The following ITGBL1 variants were observed in gnomAD, a reference collection of about 807,000 sequenced individuals.
ITGBL1 encodes integrin subunit beta like 1.
A neutral mutation model predicts 68.5 loss-of-function variants in ITGBL1; 51 were observed. The ratio of observed to expected loss-of-function variants is 0.74; its 90% CI spans 0.59 to 0.94. The LOEUF (loss-of-function observed/expected upper bound fraction) is 0.94. Ranked by LOEUF, ITGBL1 falls within the 40% of genes least tolerant of loss-of-function variation. The probability of loss-of-function intolerance (pLI) is 0.00; values close to 1 mark genes in which losing one functional copy is unlikely to be tolerated. For missense variants in ITGBL1, 649 were observed against 647.4 expected, an observed-to-expected ratio of 1.00 and a Z score of -0.03; for synonymous variants, 209 against 227.3, an observed-to-expected ratio of 0.92 and a Z score of 0.72.
chr13:101,475,715 A>G (rs1340926323), intron 2 of ITGBL1, among the ~76,000 whole-genome samples: 1 of 151,466 alleles, frequency 6.6e-6, no homozygotes, highest in African/African-American at 2.4e-5. Flanking sequence ...AGGAACTCCA[A>G]TACATTGGAG....
At chr13:101,645,173 G>T (rs1416368151) in intron 7 of ITGBL1, among the ~76,000 whole-genome samples, 1 of 152,120 alleles carries the variant, frequency 6.6e-6, no homozygotes, top group Non-Finnish European at 1.5e-5. Context: ...AGAGACCAAG[G>T]CTTGCTTTGG....
intron 7 of ITGBL1, among the ~76,000 whole-genome samples, chr13:101,647,022 T>C (rs937381877): frequency 2.0e-5 from 3 of 152,152 alleles, no homozygotes; most frequent in Non-Finnish European, 2.9e-5. Context: ...AATTATGTAT[T>C]ACTCTTGTTT....
chr13:101,681,736 C>A (rs1414191342), intron 7 of ITGBL1, among the ~76,000 whole-genome samples: 2 of 151,832 alleles, frequency 1.3e-5, no homozygotes, highest in Admixed American at 6.6e-5. Flanking sequence ...AAAGAGGAAT[C>A]CAAGAAGAAA....
chr13:101,715,012 T>C (rs1246721726), intron 10 of ITGBL1: 4 of 167,708 alleles, frequency 2.4e-5, no homozygotes, highest in Non-Finnish European at 5.1e-5. Flanking sequence ...TCATAGCCAC[T>C]GCTATCCTAA....
intron 2 of ITGBL1, among the ~76,000 whole-genome samples, chr13:101,546,085 TA>T (rs2049818403): frequency 6.6e-6 from 1 of 152,198 alleles, no homozygotes; most frequent in Admixed American, 6.5e-5. Context: ...AATGTTATGA[TA>T]AAAAATAATA....
chr13:101,554,565 C>T (rs746721114), intron 2 of ITGBL1, among the ~76,000 whole-genome samples: 1 of 152,196 alleles, frequency 6.6e-6, no homozygotes, highest in Non-Finnish European at 1.5e-5. Context: ...TCTCATGAGC[C>T]ATGCTGCGTC....
chr13:101,511,061 A>G (rs988595194), intron 2 of ITGBL1, among the ~76,000 whole-genome samples: 1 of 151,946 alleles, frequency 6.6e-6, no homozygotes, highest in African/African-American at 2.4e-5. Context: ...AGTTGGCCAT[A>G]AATCCTTTAC....
In ITGBL1 at chr13:101,585,483, T is replaced by G. The variant is rs564256851; in HGVS notation, c.868+2127T>G. ...TCTCCCTCTGTTGCCCAGGCTGGAG[T>G]GCAGTGGCATGATCTCAGCTCACTG... On this transcript the variant is annotated intron_variant, in intron 6 of 10. Coordinates refer to ENST00000376180, the MANE Select transcript of ITGBL1 (RefSeq NM_004791.3). 1.2e-4 allele frequency among the ~76,000 whole-genome samples: 19 copies of G among 152,228 alleles called. 1 individual carries two copies. Among genetic ancestry groups the G allele is most frequent in the African/African-American group, 4.6e-4 (19 of 41,536 alleles).
In ITGBL1 at chr13:101,550,141, A is replaced by G. The variant is rs944779307; in HGVS notation, c.317-17558A>G. Among the ~76,000 whole-genome samples the G allele has an allele frequency of 4.6e-5, 7 of 152,170 alleles. No homozygotes were observed. The East Asian group carries it at 1.2e-3, about 25-fold the overall frequency. On this transcript the variant is annotated intron_variant, in intron 2 of 10. Coordinates refer to ENST00000376180, the MANE Select transcript of ITGBL1 (RefSeq NM_004791.3). ...ATAGATATGTTTAGATATTGGGAGA[A>G]AATTCTCCATGGGCCTCTTGTGTTT...
chr13:101,648,393 G>A (rs550662522), intron 7 of ITGBL1, among the ~76,000 whole-genome samples: 62 of 152,264 alleles, frequency 4.1e-4, no homozygotes, highest in African/African-American at 1.4e-3. Flanking sequence ...CAAGTAGTGC[G>A]TTTAACACAG....
chr13:101,507,018 A>G (rs573961028), intron 2 of ITGBL1, among the ~76,000 whole-genome samples: 51 of 152,314 alleles, frequency 3.3e-4, no homozygotes, highest in African/African-American at 1.1e-3. Flanking sequence ...AGGAAGAAGA[A>G]ATAAGAAAAA....
chr13:101,688,612 A>C (rs1371267670), intron 7 of ITGBL1, among the ~76,000 whole-genome samples: 1 of 152,234 alleles, frequency 6.6e-6, no homozygotes, highest in Admixed American at 6.5e-5. Flanking sequence ...GAATTACACA[A>C]TCATATGTAT....
intron 7 of ITGBL1, 104 bp downstream of exon 7, chr13:101,598,403 C>T: frequency 2.1e-6 from 2 of 974,858 alleles, no homozygotes; most frequent in Non-Finnish European, 2.7e-6. Flanking sequence ...TTGTTTTCTG[C>T]TTTTTGGTTT....
At chr13:101,525,771 A>T (rs1437525961) in intron 2 of ITGBL1, among the ~76,000 whole-genome samples, 1 of 152,074 alleles carries the variant, frequency 6.6e-6, no homozygotes, top group East Asian at 1.9e-4. Flanking sequence ...GTAACATTAG[A>T]GTATTACAGT....
At chr13:101,551,706 A>C (rs2139213443) in intron 2 of ITGBL1, among the ~76,000 whole-genome samples, 1 of 152,274 alleles carries the variant, frequency 6.6e-6, no homozygotes, top group South Asian at 2.1e-4. Context: ...TTGCAAGTCA[A>C]AGTGATTTTT....
intron 2 of ITGBL1, among the ~76,000 whole-genome samples, chr13:101,504,203 ATTT>A (rs2048989288): frequency 1.3e-5 from 2 of 152,156 alleles, no homozygotes; most frequent in Non-Finnish European, 2.9e-5. Flanking sequence ...ACATACACTT[ATTT>A]TTTAAAAAGT....
In ITGBL1 at chr13:101,583,218, A is replaced by G. The variant is rs1322210909; in HGVS notation, c.730A>G (p.Thr244Ala). Residue 244 changes from threonine (T) to alanine (A), a missense_variant and splice_region_variant, in exon 6 of 11, where the codon ACT becomes GCT. Physicochemically the swap from Thr to Ala is moderately conservative, Grantham distance 58. Coordinates refer to ENST00000376180, the MANE Select transcript of ITGBL1 (RefSeq NM_004791.3). The stretch of plus-strand genomic sequence containing the variant: ...ATAAAATTCTTCTTCCCACCTAGGG[A>G]CTTGTGTATGTGGTGAATGTACCTG... Reference protein sequence around the residue: ...PDGKICSNRGTCVCGECTCHD... With the variant: ...PDGKICSNRGACVCGECTCHD... The G allele has an allele frequency of 1.2e-6, 2 of 1,613,366 alleles. No individual in the cohort carries two copies. The highest frequency in any genetic ancestry group is 2.2e-5 in the South Asian group (2 of 91,032).
At chr13:101,576,269 C>T (rs1377836400) in intron 4 of ITGBL1, among the ~76,000 whole-genome samples, 1 of 152,078 alleles carries the variant, frequency 6.6e-6, no homozygotes, top group African/African-American at 2.4e-5. Flanking sequence ...TGTGTGATGC[C>T]AAAGTCTATG....
At chr13:101,667,967 G>A (rs1345368667) in intron 7 of ITGBL1, among the ~76,000 whole-genome samples, 1 of 151,310 alleles carries the variant, frequency 6.6e-6, no homozygotes. Context: ...TAAATAAATT[G>A]GTTTTAAATT....
Sources: gnomAD v4.1 joint callset for allele counts (sites outside exome capture counted in the v4.1 genomes callset) on GRCh38, gnomAD v4.1.1 for gene constraint, MANE v1.5 for transcripts, NCBI Gene and HGNC (gene_info 2026-07-23, HGNC 2026-07-21) for gene names.